The following LRRTM4 variants were observed in gnomAD, a reference collection of about 807,000 sequenced individuals.
LRRTM4 encodes leucine rich repeat transmembrane neuronal 4, also known as leucine-rich repeat transmembrane neuronal protein 4.
Under a neutral mutation model 47.6 loss-of-function variants are expected in LRRTM4, and 25 were observed. The ratio of observed to expected loss-of-function variants is 0.53; its 90% CI spans 0.38 to 0.73. The LOEUF (loss-of-function observed/expected upper bound fraction) is 0.73. LRRTM4 is among the 30% of genes least tolerant of loss of function. The pLI is 0.00. For synonymous variants in LRRTM4, 311 were observed against 269.5 expected (o/e 1.15, Z -1.51); for missense variants, 638 against 713.4 (o/e 0.89, Z 1.20).
intron 3 of LRRTM4, among the ~76,000 whole-genome samples, chr2:77,094,906 G>A (rs938790598): frequency 5.9e-5 from 9 of 152,164 alleles, no homozygotes; most frequent in African/African-American, 1.7e-4. Context: ...AAAAGCACAA[G>A]CAACAAAAGC....
intron 3 of LRRTM4, among the ~76,000 whole-genome samples, chr2:76,796,001 G>C (rs1469038288): frequency 7.0e-6 from 1 of 142,804 alleles, no homozygotes; most frequent in Non-Finnish European, 1.5e-5. Context: ...TGCCTCACTT[G>C]GGAAGCGCAA....
chr2:76,806,008 A>T (rs1279381053), intron 3 of LRRTM4, among the ~76,000 whole-genome samples: 1 of 152,130 alleles, frequency 6.6e-6, no homozygotes, highest in Non-Finnish European at 1.5e-5. Flanking sequence ...TTGGGACCTG[A>T]TATTGTTGGG....
At chr2:77,162,878 G>T (rs1672770061) in intron 3 of LRRTM4, among the ~76,000 whole-genome samples, 1 of 152,156 alleles carries the variant, frequency 6.6e-6, no homozygotes, top group Non-Finnish European at 1.5e-5. Context: ...AGAAACCAGA[G>T]CAGAAAAGCT....
chr2:76,968,340 G>GCA, intron 3 of LRRTM4, among the ~76,000 whole-genome samples: 1 of 76,644 alleles, frequency 1.3e-5, no homozygotes, highest in East Asian at 4.8e-4. Context: ...GTGTATGTGT[G>GCA]TATATATATA....
At chr2:77,260,925 A>G (rs1317616540) in intron 3 of LRRTM4, among the ~76,000 whole-genome samples, 1 of 152,124 alleles carries the variant, frequency 6.6e-6, no homozygotes, top group Admixed American at 6.6e-5. Context: ...TGCTAAGGCA[A>G]TAACTTCAAA....
intron 3 of LRRTM4, among the ~76,000 whole-genome samples, chr2:77,329,902 G>T (rs1474700814): frequency 6.6e-6 from 1 of 152,176 alleles, no homozygotes; most frequent in Non-Finnish European, 1.5e-5. Context: ...GTAGACAAGA[G>T]TCCCATCAAT....
At chr2:77,038,077 T>C (rs1298892603) in intron 3 of LRRTM4, among the ~76,000 whole-genome samples, 5 of 151,628 alleles carry the variant, frequency 3.3e-5, no homozygotes, top group African/African-American at 1.2e-4. Flanking sequence ...CTGTTTCTTT[T>C]GTAGACTTCT....
At chr2:77,158,622 G>T (rs1011909631) in intron 3 of LRRTM4, among the ~76,000 whole-genome samples, 2 of 151,802 alleles carry the variant, frequency 1.3e-5, no homozygotes, top group Non-Finnish European at 2.9e-5. Context: ...CATATAGTCT[G>T]ATAAATTTTG....
chr2:77,289,909 T>C (rs2104124988), intron 3 of LRRTM4, among the ~76,000 whole-genome samples: 1 of 152,126 alleles, frequency 6.6e-6, no homozygotes, highest in East Asian at 1.9e-4. Context: ...AATTTATCTC[T>C]TAATTCCTCA....
At chr2:77,343,447 G>A (rs1468590578) in intron 3 of LRRTM4, among the ~76,000 whole-genome samples, 1 of 151,908 alleles carries the variant, frequency 6.6e-6, no homozygotes, top group Non-Finnish European at 1.5e-5. Flanking sequence ...TTGAAGACTA[G>A]TTGCTCTGAA....
intron 3 of LRRTM4, among the ~76,000 whole-genome samples, chr2:77,049,096 T>G (rs1300803092): frequency 5.6e-5 from 8 of 142,498 alleles, no homozygotes; most frequent in Non-Finnish European, 1.1e-4. Context: ...AGTTTGTTTT[T>G]TTTTGACTAA....
intron 3 of LRRTM4, among the ~76,000 whole-genome samples, chr2:76,934,208 A>T (rs1204193467): frequency 6.6e-6 from 1 of 152,202 alleles, no homozygotes; most frequent in Non-Finnish European, 1.5e-5. Context: ...TAATGTAATT[A>T]TGTTGAATAC....
At chr2:77,438,616 C>G (rs756123663) in intron 3 of LRRTM4, among the ~76,000 whole-genome samples, 1 of 151,992 alleles carries the variant, frequency 6.6e-6, no homozygotes, top group Non-Finnish European at 1.5e-5. Context: ...CCGTGTTAGC[C>G]AGGATGGTCT....
chr2:77,001,963 T>C (rs1489768626), intron 3 of LRRTM4, among the ~76,000 whole-genome samples: 1 of 152,140 alleles, frequency 6.6e-6, no homozygotes, highest in African/African-American at 2.4e-5. Context: ...GAATGTTCAT[T>C]TGGAGCCTTC....
Position 76,748,711 on chromosome 2 carries a change from T to C in LRRTM4, c.1757A>G (p.Glu586Gly). The C allele has an allele frequency of 6.2e-6, 10 of 1,611,200 alleles. No homozygotes were observed. The highest frequency in any genetic ancestry group is 8.5e-6 in the Non-Finnish European group (10 of 1,178,600). The change falls in exon 4 of 4, where the codon GAG (glutamate) becomes GGG (glycine). Residue 586 changes from glutamate (E) to glycine (G), a missense_variant. Glu to Gly is a moderately conservative substitution (Grantham distance 98). Coordinates refer to ENST00000409884, the MANE Select transcript of LRRTM4 (RefSeq NM_001134745.3). ...ARSAAPAIYLERIAN is the reference protein window; with the variant it reads ...ARSAAPAIYLGRIAN ...GCTTCAGCGTTAGTTTGCAATTCTC[T>C]CTAGGTAGATGGCCGGTGCTGCCGA...
chr2:77,382,966 T>G (rs1191061304), intron 3 of LRRTM4, among the ~76,000 whole-genome samples: 1 of 152,056 alleles, frequency 6.6e-6, no homozygotes, highest in East Asian at 1.9e-4. Context: ...TAAGAAAATA[T>G]GCAGATTCAG....
intron 3 of LRRTM4, among the ~76,000 whole-genome samples, chr2:77,349,012 CT>C (rs2104292063): frequency 6.6e-6 from 1 of 151,912 alleles, no homozygotes; most frequent in African/African-American, 2.4e-5. Context: ...TGTCAAATCA[CT>C]AAAAGCATTT....
chr2:76,780,121 CGA>C (rs1558647549), intron 3 of LRRTM4, among the ~76,000 whole-genome samples: 1 of 152,116 alleles, frequency 6.6e-6, no homozygotes, highest in African/African-American at 2.4e-5. Context: ...GGGTTTCTGC[CGA>C]GAGATCCGCT....
chr2:77,310,311 CAT>C (rs1275927620), intron 3 of LRRTM4, among the ~76,000 whole-genome samples: 1 of 151,904 alleles, frequency 6.6e-6, no homozygotes, highest in African/African-American at 2.4e-5. Context: ...CATACACACA[CAT>C]ATATACACAC....
Sources: gnomAD v4.1 joint callset for allele counts (sites outside exome capture counted in the v4.1 genomes callset) on GRCh38, gnomAD v4.1.1 for gene constraint, MANE v1.5 for transcripts, NCBI Gene and HGNC (gene_info 2026-07-23, HGNC 2026-07-21) for gene names.